The following TMEM71 variants were observed in gnomAD, a reference collection of about 807,000 sequenced individuals.
TMEM71 encodes the protein transmembrane protein 71.
Under a neutral mutation model 38.0 loss-of-function variants are expected in TMEM71, and 44 were observed. That is an observed-to-expected ratio of 1.16 (90% confidence interval 0.91 to 1.49). TMEM71 has a LOEUF of 1.49. TMEM71 is among the 40% of genes most tolerant of loss of function. The pLI, the probability that TMEM71 is intolerant of heterozygous loss-of-function variation, is 0.00. For synonymous variants in TMEM71, 133 were observed against 122.5 expected, an observed-to-expected ratio of 1.09 and a Z score of -0.56; for missense variants, 367 against 348.6, an observed-to-expected ratio of 1.05 and a Z score of -0.42.
intron 5 of TMEM71, among the ~76,000 whole-genome samples, chr8:132,745,721 A>T (rs1300932327): frequency 4.6e-5 from 7 of 152,032 alleles, no homozygotes; most frequent in African/African-American, 1.7e-4. Context: ...TCATACACTC[A>T]CATTTTCAGG....
At chr8:132,774,949 C>G in the TMEM71 span, among the ~76,000 whole-genome samples, 5 of 152,236 alleles carry the variant, frequency 3.3e-5, no homozygotes, top group African/African-American at 1.2e-4. Flanking sequence ...AGCCTAGTGT[C>G]TATCACAAAG....
intron 6 of TMEM71, among the ~76,000 whole-genome samples, chr8:132,724,553 C>T (rs1202887842): frequency 2.6e-5 from 4 of 152,234 alleles, no homozygotes; most frequent in East Asian, 1.9e-4. Flanking sequence ...TCCCTAAAAT[C>T]GCTGTTATTC....
rs749008025 is a variant in TMEM71, at chr8:132,722,069, A to G, written c.723T>C (p.Ala241=). 1.2e-6 allele frequency: 2 copies of G among 1,614,146 alleles called. No individual in the cohort carries two copies. Among genetic ancestry groups the G allele is most frequent in the Admixed American group, 1.7e-5 (1 of 60,028 alleles). Residue 241 remains alanine, a synonymous_variant, in exon 7 of 10, where the codon GCT becomes GCC. Transcript: ENST00000677595. ...CACATGCAGAAATGATTAAGCACAC[A>G]GCAAGCAGGATTGCCTGAAAGAAGA... ...QEVFFQAILL[A]VCLIISACAR...
At chr8:132,768,476 A>G in the TMEM71 span, among the ~76,000 whole-genome samples, 8 of 152,280 alleles carry the variant, frequency 5.3e-5, no homozygotes, top group South Asian at 1.4e-3. Flanking sequence ...TCCCGCAACT[A>G]GAATTCTGTC....
intron 5 of TMEM71, among the ~76,000 whole-genome samples, chr8:132,729,269 G>A (rs1157597683): frequency 3.9e-5 from 6 of 152,318 alleles, no homozygotes; most frequent in Non-Finnish European, 8.8e-5. Flanking sequence ...GGATGAATGT[G>A]TTAAGAATGC....
chr8:132,764,421 C>A (rs1480367832), upstream of TMEM71, among the ~76,000 whole-genome samples: 3 of 152,132 alleles, frequency 2.0e-5, no homozygotes, highest in Non-Finnish European at 4.4e-5. Flanking sequence ...AATAGAATAT[C>A]TGATTATGTC....
chr8:132,764,970 G>C (rs967298817), upstream of TMEM71, among the ~76,000 whole-genome samples: 2 of 152,160 alleles, frequency 1.3e-5, no homozygotes, highest in Non-Finnish European at 2.9e-5. Context: ...TAGCACACAA[G>C]GGCCAGAAGG....
the TMEM71 span, among the ~76,000 whole-genome samples, chr8:132,768,714 T>C: frequency 6.6e-6 from 1 of 152,244 alleles, no homozygotes; most frequent in Non-Finnish European, 1.5e-5. Flanking sequence ...CCTCAATACT[T>C]TGACTAAGGC....
At chr8:132,711,233 G>A (rs1219483447) in intron 9 of TMEM71, among the ~76,000 whole-genome samples, 2 of 152,156 alleles carry the variant, frequency 1.3e-5, no homozygotes, top group Non-Finnish European at 2.9e-5. Flanking sequence ...TGACCCCTCA[G>A]CCCAGCGTGG....
chr8:132,724,330 G>A (rs549902321), intron 6 of TMEM71, among the ~76,000 whole-genome samples: 1 of 152,194 alleles, frequency 6.6e-6, no homozygotes, highest in African/African-American at 2.4e-5. Context: ...AACGGCATAG[G>A]ACAGACACTC....
At chr8:132,766,230 T>C in the TMEM71 span, among the ~76,000 whole-genome samples, 15 of 152,236 alleles carry the variant, frequency 9.9e-5, no homozygotes, top group African/African-American at 2.9e-4. Flanking sequence ...CAGAAATACA[T>C]AATGGCTTTT....
intron 5 of TMEM71, among the ~76,000 whole-genome samples, chr8:132,738,728 C>T (rs1827877811): frequency 6.6e-6 from 1 of 152,182 alleles, no homozygotes; most frequent in African/African-American, 2.4e-5. Flanking sequence ...TCTCCTCTTC[C>T]TGCTTTTACA....
intron 4 of TMEM71, among the ~76,000 whole-genome samples, chr8:132,749,811 C>A (rs894269230): frequency 6.6e-6 from 1 of 151,912 alleles, no homozygotes; most frequent in Admixed American, 6.6e-5. Flanking sequence ...GTCAGGGGAT[C>A]GAGACCATCC....
downstream of TMEM71, among the ~76,000 whole-genome samples, chr8:132,706,372 G>C (rs1057289521): frequency 6.6e-6 from 1 of 152,038 alleles, no homozygotes; most frequent in African/African-American, 2.4e-5. Flanking sequence ...TTGAGGGCAG[G>C]CACCATATTT....
downstream of TMEM71, among the ~76,000 whole-genome samples, chr8:132,708,655 G>A (rs1404175661): frequency 6.6e-6 from 1 of 152,174 alleles, no homozygotes; most frequent in Non-Finnish European, 1.5e-5. Context: ...CCAGAACTCT[G>A]GAACCTATGA....
At chr8:132,707,088 G>T (rs889567555), downstream of TMEM71, among the ~76,000 whole-genome samples, 5 of 152,136 alleles carry the variant, frequency 3.3e-5, no homozygotes, top group African/African-American at 1.2e-4. Context: ...GACAAATGAT[G>T]CAGTTTTCAA....
At chr8:132,767,036 A>G in the TMEM71 span, among the ~76,000 whole-genome samples, 2 of 152,202 alleles carry the variant, frequency 1.3e-5, no homozygotes, top group Non-Finnish European at 2.9e-5. Context: ...TAATGGGGCT[A>G]TTCTGAAACG....
intron 7 of TMEM71, among the ~76,000 whole-genome samples, chr8:132,715,492 A>G (rs1276552351): frequency 6.6e-6 from 1 of 151,952 alleles, no homozygotes; most frequent in Admixed American, 6.6e-5. Flanking sequence ...ACAAAGTTAA[A>G]CATAGACTTA....
intron 6 of TMEM71, among the ~76,000 whole-genome samples, chr8:132,723,036 T>C (rs1309652951): frequency 6.6e-6 from 1 of 152,232 alleles, no homozygotes; most frequent in Non-Finnish European, 1.5e-5. Flanking sequence ...TTGGAATGAC[T>C]TTATGTTATG....
Sources: gnomAD v4.1 joint callset for allele counts (sites outside exome capture counted in the v4.1 genomes callset) on GRCh38, gnomAD v4.1.1 for gene constraint, MANE v1.5 for transcripts, NCBI Gene and HGNC (gene_info 2026-07-23, HGNC 2026-07-21) for gene names.